The following LRRC4C variants were observed in gnomAD, a reference collection of about 807,000 sequenced individuals.
LRRC4C encodes leucine-rich repeat-containing protein 4C.
A neutral mutation model predicts 33.6 loss-of-function variants in LRRC4C; 5 were observed. That is an observed-to-expected ratio of 0.15 (90% CI 0.08 to 0.31). The LOEUF is 0.31. LRRC4C is among the 10% of genes least tolerant of loss of function. The pLI, the probability that LRRC4C is intolerant of heterozygous loss-of-function variation, is 1.00. For missense variants in LRRC4C, 560 were observed against 796.7 expected (o/e 0.70, Z 3.58); for synonymous variants, 329 against 302.0 (o/e 1.09, Z -0.93).
chr11:41,177,190 G>A (rs1755051209), intron 1 of LRRC4C, among the ~76,000 whole-genome samples: 1 of 152,138 alleles, frequency 6.6e-6, no homozygotes, highest in Admixed American at 6.5e-5. Flanking sequence ...TTATAACAGA[G>A]GATGATGTGG....
intron 1 of LRRC4C, among the ~76,000 whole-genome samples, chr11:41,416,612 G>C (rs1022227964): frequency 2.6e-4 from 39 of 151,946 alleles, no homozygotes; most frequent in African/African-American, 9.2e-4. Flanking sequence ...TCATGGCTGG[G>C]GGACAGTGCG....
intron 4 of LRRC4C, among the ~76,000 whole-genome samples, chr11:40,242,662 C>T (rs982572732): frequency 1.3e-5 from 2 of 152,040 alleles, no homozygotes; most frequent in Admixed American, 6.6e-5. Context: ...CACAAGTGAA[C>T]CTGAAACACT....
At chr11:40,479,353 G>C (rs549756821) in intron 3 of LRRC4C, among the ~76,000 whole-genome samples, 1 of 152,204 alleles carries the variant, frequency 6.6e-6, no homozygotes, top group South Asian at 2.1e-4. Context: ...TCTCTTTTAG[G>C]AAAGTGGTCC....
chr11:40,712,689 G>T (rs868338087), intron 2 of LRRC4C, among the ~76,000 whole-genome samples: 2 of 152,216 alleles, frequency 1.3e-5, no homozygotes, highest in Middle Eastern at 3.4e-3. Context: ...GTAAGATACT[G>T]TCTCAGGACC....
At chr11:40,480,132 A>G (rs1233293301) in intron 3 of LRRC4C, among the ~76,000 whole-genome samples, 1 of 152,152 alleles carries the variant, frequency 6.6e-6, no homozygotes, top group Non-Finnish European at 1.5e-5. Context: ...AAAGCTAAGC[A>G]GAGAGGTTCT....
chr11:41,266,699 A>C (rs571308980), intron 1 of LRRC4C, among the ~76,000 whole-genome samples: 83 of 152,276 alleles, frequency 5.5e-4, no homozygotes, highest in Middle Eastern at 6.8e-3. Context: ...AATGTGATTG[A>C]AGCTCTTGCA....
At chr11:41,162,143 C>G (rs772386554) in intron 1 of LRRC4C, among the ~76,000 whole-genome samples, 2 of 152,088 alleles carry the variant, frequency 1.3e-5, no homozygotes, top group Non-Finnish European at 2.9e-5. Flanking sequence ...CACATGTCCC[C>G]TTCTGCAGCT....
At chr11:41,008,902 T>C (rs918636582) in intron 1 of LRRC4C, among the ~76,000 whole-genome samples, 2 of 152,142 alleles carry the variant, frequency 1.3e-5, no homozygotes, top group Non-Finnish European at 2.9e-5. Flanking sequence ...AACCTCAGGA[T>C]ACTAATTCTG....
At chr11:40,212,151 TGTG>T (rs1863647599) in intron 5 of LRRC4C, among the ~76,000 whole-genome samples, 1 of 152,200 alleles carries the variant, frequency 6.6e-6, no homozygotes, top group Non-Finnish European at 1.5e-5. Context: ...GAGTAGTAAA[TGTG>T]GAAACCATGT....
At chr11:41,300,883 A>G (rs1950265176) in intron 1 of LRRC4C, among the ~76,000 whole-genome samples, 1 of 152,138 alleles carries the variant, frequency 6.6e-6, no homozygotes, top group South Asian at 2.1e-4. Context: ...GCAAAATTTA[A>G]TTTCCCAATC....
intron 3 of LRRC4C, among the ~76,000 whole-genome samples, chr11:40,563,569 G>C (rs1240496494): frequency 6.6e-6 from 1 of 152,110 alleles, no homozygotes; most frequent in Non-Finnish European, 1.5e-5. Context: ...TGCTTCTTCG[G>C]TATTATTTCC....
At chr11:41,346,277 A>T (rs79360138) in intron 1 of LRRC4C, among the ~76,000 whole-genome samples, 2,476 of 152,300 alleles carry the variant, frequency 0.016, 71 homozygotes, top group African/African-American at 0.056. Context: ...TTGGATGAAA[A>T]ATTAAATCCA....
chr11:40,576,474 G>T (rs546371654), intron 3 of LRRC4C, among the ~76,000 whole-genome samples: 1 of 152,280 alleles, frequency 6.6e-6, no homozygotes, highest in South Asian at 2.1e-4. Flanking sequence ...AGACAAATCT[G>T]GAAGAGTGCT....
intron 2 of LRRC4C, among the ~76,000 whole-genome samples, chr11:40,727,222 T>G (rs1485639038): frequency 6.6e-6 from 1 of 152,062 alleles, no homozygotes; most frequent in African/African-American, 2.4e-5. Flanking sequence ...ACTAGACACT[T>G]AGACCAATGG....
At chr11:40,961,552 T>C (rs1850980079) in intron 1 of LRRC4C, among the ~76,000 whole-genome samples, 1 of 151,720 alleles carries the variant, frequency 6.6e-6, no homozygotes, top group South Asian at 2.1e-4. Context: ...AGTTTCAAAA[T>C]AGCTATAGAT....
At chr11:41,079,176 C>T (rs1939379325) in intron 1 of LRRC4C, among the ~76,000 whole-genome samples, 1 of 152,112 alleles carries the variant, frequency 6.6e-6, no homozygotes, top group South Asian at 2.1e-4. Context: ...TTTGGTTATG[C>T]AAATACAGCC....
In LRRC4C at chr11:40,627,551, G is replaced by T. The variant is rs555789498; in HGVS notation, c.-270+20591C>A. ...CTGACTAAGATGCTCAGGGGAAAAA[G>T]TACTTCATGAGCTACATTTGCCTGG... On this transcript the variant is annotated intron_variant, in intron 3 of 6. Coordinates refer to ENST00000528697, the MANE Select transcript of LRRC4C (RefSeq NM_001258419.2). Among the ~76,000 whole-genome samples, 151 of 152,100 alleles carry T rather than the reference G, an allele frequency of 9.9e-4. 2 individuals are homozygous for T. Among genetic ancestry groups the T allele is most frequent in the Non-Finnish European group, 1.7e-3 (119 of 68,030 alleles).
chr11:41,441,547 A>T (rs1306303062), intron 1 of LRRC4C, among the ~76,000 whole-genome samples: 1 of 151,232 alleles, frequency 6.6e-6, no homozygotes, highest in East Asian at 1.9e-4. Flanking sequence ...AGAGATACCC[A>T]AATTGACTCA....
At chr11:41,105,247 AT>A in intron 1 of LRRC4C, among the ~76,000 whole-genome samples, 1 of 152,056 alleles carries the variant, frequency 6.6e-6, no homozygotes, top group East Asian at 1.9e-4. Flanking sequence ...TGCTTGGAAA[AT>A]ATTTCCCATA....
Sources: allele counts gnomAD v4.1 joint callset (sites outside exome capture counted in the v4.1 genomes callset), GRCh38; gene constraint gnomAD v4.1.1; transcripts MANE v1.5; gene names NCBI Gene and HGNC (gene_info 2026-07-23, HGNC 2026-07-21).